OR10H5: variants seen among roughly 807,000 people sequenced by gnomAD.
OR10H5 encodes olfactory receptor family 10 subfamily H member 5, also known as olfactory receptor 10H5.
In OR10H5, 7 loss-of-function variants were observed where a neutral mutation model predicts 12.2. The observed-to-expected ratio is 0.57, with a 90% CI of 0.33 to 1.07. The LOEUF is 1.07. Ranked by LOEUF, OR10H5 falls within the 50% of genes least tolerant of loss-of-function variation. The pLI is 0.04. For synonymous variants in OR10H5, 159 were observed against 175.1 expected (o/e 0.91, Z 0.73); for missense variants, 346 against 411.6 (o/e 0.84, Z 1.38).
chr19:15,794,224 T>C lies in OR10H5; in HGVS notation c.176T>C (p.Met59Thr), dbSNP rs763550763. The change falls in exon 2 of 2, where the codon ATG (methionine) becomes ACG (threonine). Residue 59 changes from methionine to threonine, a missense_variant. Physicochemically the swap from Met to Thr is moderately conservative, Grantham distance 81 (BLOSUM62 -1). Coordinates refer to ENST00000642092, the MANE Select transcript of OR10H5 (RefSeq NM_001004466.2). ...AGCGAGCGCAGCCTCCACATGCCCATGTACCTCTTCCTGTGTGCCCTCTCC... is the reference window on the plus strand; with the variant it reads ...AGCGAGCGCAGCCTCCACATGCCCACGTACCTCTTCCTGTGTGCCCTCTCC... ...VWSERSLHMP[M>T]YLFLCALSIT... The C allele has an allele frequency of 1.9e-6, 3 of 1,614,062 alleles. No individual in the cohort carries two copies. Among genetic ancestry groups the C allele is most frequent in the African/African-American group, 1.3e-5 (1 of 74,932 alleles).
chr19:15,788,917 C>T (rs1568448284), intron 1 of OR10H5, among the ~76,000 whole-genome samples: 1 of 152,156 alleles, frequency 6.6e-6, no homozygotes, highest in African/African-American at 2.4e-5. Flanking sequence ...TCAGGATGTG[C>T]AGGTTTGTCA....
chr19:15,795,218 C>A lies in OR10H5; in HGVS notation c.*222C>A. 1 of 562,966 alleles carries A rather than the reference C, an allele frequency of 1.8e-6. No individual in the cohort carries two copies. Among genetic ancestry groups the A allele is most frequent in the Non-Finnish European group, 3.1e-6 (1 of 319,584 alleles). 34.9% of individuals were successfully genotyped at this position (562,966 alleles called of 1,614,324 possible). ...CCATCCTTCCTCCCTCCCTCCCTCC[C>A]CCTTCCTTCTTCTCTGCCTACTTCC... On this transcript the variant is annotated 3_prime_UTR_variant, in exon 2 of 2. Coordinates refer to ENST00000642092, the MANE Select transcript of OR10H5 (RefSeq NM_001004466.2).
rs377122040 is a variant in OR10H5 at position 15,799,274 on chromosome 19, T to G, written c.*4278T>G. On this transcript the variant is annotated 3_prime_UTR_variant, in exon 2 of 2. Coordinates refer to ENST00000642092, the MANE Select transcript of OR10H5 (RefSeq NM_001004466.2). ...ACCCGGACCCCAGGAACCTTGCATC[T>G]ACTCTTTTTTTTTTCTTCAGAGATT... is the stretch of plus-strand genomic sequence containing the variant. The G allele has an allele frequency of 2.5e-3, 386 of 152,226 alleles. 1 individual carries two copies. The highest frequency in any genetic ancestry group is 8.8e-3 in the African/African-American group (365 of 41,550). The allele number at this position is 152,226 out of a possible 1,614,324, so 9.4% of individuals were successfully genotyped here. A position where few individuals can be genotyped will look rare whatever the true frequency, so the allele number is the denominator to read the frequency against.
At position 15,794,447 on chromosome 19, in the gene OR10H5, C is replaced by G. The variant is rs139269204; in HGVS notation, c.399C>G (p.Asn133Lys). 1.2e-6 allele frequency: 2 copies of G among 1,614,270 alleles called. No individual in the cohort carries two copies. The highest frequency in any genetic ancestry group is 1.7e-5 in the Admixed American group (1 of 60,032). ...YVAICHPLRY[N>K]VLMSLRGCTC... is the part of the protein sequence containing the mutation. ...CCATCTGCCACCCCCTGCGTTACAA[C>G]GTGCTCATGAGCCTGCGGGGCTGCA... Residue 133 changes from asparagine to lysine, a missense_variant, in exon 2 of 2, where the codon AAC becomes AAG. Asn to Lys is a moderately conservative substitution (Grantham distance 94, BLOSUM62 0). Coordinates refer to ENST00000642092, the MANE Select transcript of OR10H5 (RefSeq NM_001004466.2).
chr19:15,794,937 G>T lies in OR10H5; in HGVS notation c.889G>T (p.Glu297Ter). The change falls in exon 2 of 2, where the codon GAG becomes TAG. Residue 297 changes from glutamate (E) to a stop codon, truncating the protein, a stop_gained. Transcript: ENST00000642092. LOFTEE classifies it high-confidence loss of function. ...CATCATCTTCAGCCTCAGGAACAAG[G>T]AGCTGAAGGTCGCCATGAAGAAGAC... The part of the protein sequence containing the change: ...SPIIFSLRNK[E>*]LKVAMKKTCF... The T allele has an allele frequency of 6.2e-7, 1 of 1,614,184 alleles. No homozygotes were observed. Among genetic ancestry groups the T allele is most frequent in the Non-Finnish European group, 8.5e-7 (1 of 1,180,038 alleles).
chr19:15,788,012 G>A (rs2088790812), intron 1 of OR10H5, among the ~76,000 whole-genome samples: 1 of 152,118 alleles, frequency 6.6e-6, no homozygotes, highest in South Asian at 2.1e-4. Flanking sequence ...CCATGCTGGG[G>A]TGGGGAGTGG....
rs1442194442 is a variant in OR10H5 at position 15,797,655 on chromosome 19, G to A, written c.*2659G>A. On this transcript the variant is annotated 3_prime_UTR_variant, in exon 2 of 2. Coordinates refer to ENST00000642092, the MANE Select transcript of OR10H5 (RefSeq NM_001004466.2). ...TTCTAGACCCTGAGGGCCAGGTCAG[G>A]GTGAGGTGAGGGAGACACCTCACCT... is the stretch of plus-strand genomic sequence containing the variant. The A allele has an allele frequency of 7.9e-5, 12 of 152,234 alleles. No individual in the cohort carries two copies. The highest frequency in any genetic ancestry group is 2.9e-4 in the African/African-American group (12 of 41,542). The allele number at this position is 152,234 out of a possible 1,614,324, so 9.4% of individuals were successfully genotyped here.
At position 15,794,149 on chromosome 19, in the gene OR10H5, T is replaced by C. The variant is rs534622530; in HGVS notation, c.101T>C (p.Met34Thr). ...QLMLFLLFLLMYLFTLLGNLL... is the reference protein window; with the variant it reads ...QLMLFLLFLLTYLFTLLGNLL... ...ATGCTCTTCCTGCTGTTCCTGCTGATGTACCTGTTCACGCTGCTGGGCAAC... is the reference window on the plus strand; with the variant it reads ...ATGCTCTTCCTGCTGTTCCTGCTGACGTACCTGTTCACGCTGCTGGGCAAC... Residue 34 changes from methionine to threonine, a missense_variant, in exon 2 of 2, where the codon ATG becomes ACG. Met to Thr is a moderately conservative substitution (Grantham distance 81, BLOSUM62 -1). Coordinates refer to ENST00000642092, the MANE Select transcript of OR10H5 (RefSeq NM_001004466.2). 3 of 1,614,212 alleles carry C rather than the reference T, an allele frequency of 1.9e-6. No homozygotes were observed. Among genetic ancestry groups the C allele is most frequent in the Admixed American group, 1.7e-5 (1 of 60,024 alleles).
At chr19:15,793,664 T>C (rs777373541) in intron 1 of OR10H5, among the ~76,000 whole-genome samples, 7 of 152,078 alleles carry the variant, frequency 4.6e-5, no homozygotes, top group Non-Finnish European at 1.0e-4. Context: ...GTGGATCACC[T>C]GAGGTCAGGA....
At chr19:15,789,777 TTTTCTTTTC>T (rs1292172882) in intron 1 of OR10H5, among the ~76,000 whole-genome samples, 1 of 49,916 alleles carries the variant, frequency 2.0e-5, no homozygotes, top group African/African-American at 7.7e-5. Context: ...CTTTTTTTTC[TTTTCTTTTC>T]TTTTTTTTTT....
At chr19:15,792,280 T>C (rs934325086) in intron 1 of OR10H5, among the ~76,000 whole-genome samples, 1 of 152,224 alleles carries the variant, frequency 6.6e-6, no homozygotes, top group African/African-American at 2.4e-5. Flanking sequence ...TGTGGCAATA[T>C]CACGTAACTC....
At chr19:15,792,230 A>G (rs527496676) in intron 1 of OR10H5, among the ~76,000 whole-genome samples, 3 of 151,652 alleles carry the variant, frequency 2.0e-5, no homozygotes, top group East Asian at 3.9e-4. Context: ...GCATTTTTTA[A>G]TTTTCCTTTT....
rs2088832773 is a variant in OR10H5 at position 15,795,041 on chromosome 19, T to A, written c.*45T>A. 3 of 1,512,506 alleles carry A rather than the reference T, an allele frequency of 2.0e-6. No homozygotes were observed. The highest frequency in any genetic ancestry group is 1.4e-5 in the African/African-American group (1 of 72,442). The allele number at this position is 1,512,506 out of a possible 1,614,324, so 93.7% of individuals were successfully genotyped here. On this transcript the variant is annotated 3_prime_UTR_variant, in exon 2 of 2. Coordinates refer to ENST00000642092, the MANE Select transcript of OR10H5 (RefSeq NM_001004466.2). ...AGAGATGTAGCGAATGGGAACACTT[T>A]AGTCTTCCTCCTTTATTTCTTTTCC... is the stretch of plus-strand genomic sequence containing the variant.
chr19:15,790,428 G>A (rs909202890), intron 1 of OR10H5, among the ~76,000 whole-genome samples: 6 of 152,228 alleles, frequency 3.9e-5, no homozygotes, highest in African/African-American at 1.4e-4. Flanking sequence ...CCCCAGGGCA[G>A]GTCTCTGGTT....
rs1456810346 is a variant in OR10H5, at chr19:15,794,716, T to A, written c.668T>A (p.Val223Glu). 1 of 1,613,828 alleles carries A rather than the reference T, an allele frequency of 6.2e-7. No homozygotes were observed. Among genetic ancestry groups the A allele is most frequent in the Non-Finnish European group, 8.5e-7 (1 of 1,179,818 alleles). ...ATCCTCCTCTCCTATGCCTTCATCG[T>A]GGCCGCCATCTTGAAGATCCCTTCT... ...LLILLSYAFI[V>E]AAILKIPSAE... Residue 223 changes from valine to glutamate, a missense_variant, in exon 2 of 2, where the codon GTG becomes GAG. Physicochemically the swap from Val to Glu is moderately radical, Grantham distance 121. Transcript: ENST00000642092.
rs2088860947 is a variant in OR10H5, at chr19:15,800,154, C to T, written c.*5158C>T. 6.6e-6 allele frequency: 1 copy of T among 152,176 alleles called. No homozygotes were observed. The highest frequency in any genetic ancestry group is 1.5e-5 in the Non-Finnish European group (1 of 68,034). 9.4% of individuals were successfully genotyped at this position (152,176 alleles called of 1,614,324 possible). Reference sequence around the variant, plus strand: ...CCCCTATTACAAGCCCTCATAGCAACTCACTTAGGTCCCTCAGAGCTTTTA... The same window carrying T: ...CCCCTATTACAAGCCCTCATAGCAATTCACTTAGGTCCCTCAGAGCTTTTA... On this transcript the variant is annotated 3_prime_UTR_variant, in exon 2 of 2. Coordinates refer to ENST00000642092, the MANE Select transcript of OR10H5 (RefSeq NM_001004466.2).
In OR10H5 at chr19:15,794,422, C is replaced by T. The variant is rs1371397860; in HGVS notation, c.374C>T (p.Ala125Val). 4 of 1,614,136 alleles carry T rather than the reference C, an allele frequency of 2.5e-6. No individual in the cohort carries two copies. Among genetic ancestry groups the T allele is most frequent in the Non-Finnish European group, 3.4e-6 (4 of 1,180,060 alleles). ...LTVMGYDRYV[A>V]ICHPLRYNVL... Reference sequence around the variant, plus strand: ...GTCATGGGCTACGACCGCTACGTGGCCATCTGCCACCCCCTGCGTTACAAC... The same window carrying T: ...GTCATGGGCTACGACCGCTACGTGGTCATCTGCCACCCCCTGCGTTACAAC... The change falls in exon 2 of 2, where the codon GCC (alanine) becomes GTC (valine). Residue 125 changes from alanine (A) to valine (V), a missense_variant. Physicochemically the swap from Ala to Val is moderately conservative, Grantham distance 64. Transcript: ENST00000642092.
chr19:15,794,225 G>A lies in OR10H5; in HGVS notation c.177G>A (p.Met59Ile), dbSNP rs150307925. The change falls in exon 2 of 2, where the codon ATG becomes ATA. Residue 59 changes from methionine to isoleucine, a missense_variant. Physicochemically the swap from Met to Ile is conservative, Grantham distance 10. Transcript: ENST00000642092. ...GCGAGCGCAGCCTCCACATGCCCAT[G>A]TACCTCTTCCTGTGTGCCCTCTCCA... ...VWSERSLHMP[M>I]YLFLCALSIT... 2.4e-4 allele frequency: 383 copies of A among 1,614,120 alleles called. 2 individuals carry two copies. In the East Asian group the frequency reaches 5.3e-3, roughly 23 times the overall value.
At chr19:15,792,212 T>A (rs915589130) in intron 1 of OR10H5, among the ~76,000 whole-genome samples, 15 of 152,212 alleles carry the variant, frequency 9.9e-5, no homozygotes, top group Non-Finnish European at 1.6e-4. Context: ...ATTATCATTT[T>A]TTTATTCGCA....
Sources: allele counts gnomAD v4.1 joint callset (sites outside exome capture counted in the v4.1 genomes callset), GRCh38; gene constraint gnomAD v4.1.1; transcripts MANE v1.5; gene names NCBI Gene and HGNC (gene_info 2026-07-23, HGNC 2026-07-21).